Variants in PKIB observed in about 807,000 individuals in gnomAD.
PKIB encodes cAMP-dependent protein kinase inhibitor beta.
PKIB carries 2 observed loss-of-function variants against 4.5 expected under a neutral mutation model. That is an observed-to-expected ratio of 0.44 (90% CI 0.18 to 1.39). The LOEUF (loss-of-function observed/expected upper bound fraction) is 1.39. Ranked by LOEUF, PKIB falls within the 40% of genes most tolerant of loss-of-function variation. The pLI, the probability that PKIB is intolerant of heterozygous loss-of-function variation, is 0.27. For missense variants in PKIB, 94 were observed against 92.6 expected, an observed-to-expected ratio of 1.02 and a Z score of -0.06; for synonymous variants, 38 against 36.0, an observed-to-expected ratio of 1.06 and a Z score of -0.20.
At chr6:122,630,019 A>G (rs1005092761) in intron 1 of PKIB, among the ~76,000 whole-genome samples, 2 of 152,198 alleles carry the variant, frequency 1.3e-5, no homozygotes, top group African/African-American at 4.8e-5. Context: ...AATGTACCAT[A>G]CTAATGTAAG....
intron 2 of PKIB, among the ~76,000 whole-genome samples, chr6:122,659,926 T>G (rs559626095): frequency 1.3e-5 from 2 of 152,084 alleles, no homozygotes; most frequent in Admixed American, 1.3e-4. Context: ...AGAATGACAG[T>G]GCACAATAGA....
rs749565777 is a variant in PKIB at position 122,725,109 on chromosome 6, A to G, written c.170-19A>G. ...AAATTTCAATATATTCCACATATGAATGGAAATTTTTTTTTCAGATGCAAA... is the reference window on the plus strand; with the variant it reads ...AAATTTCAATATATTCCACATATGAGTGGAAATTTTTTTTTCAGATGCAAA... On this transcript the variant is annotated intron_variant, in intron 4 of 4. Transcript: ENST00000368452. The G allele has an allele frequency of 6.4e-7, 1 of 1,574,002 alleles. No homozygotes were observed. Among genetic ancestry groups the G allele is most frequent in the South Asian group, 1.1e-5 (1 of 88,506 alleles).
intron 2 of PKIB, among the ~76,000 whole-genome samples, chr6:122,659,985 G>T (rs186402082): frequency 6.6e-6 from 1 of 152,174 alleles, no homozygotes; most frequent in South Asian, 2.1e-4. Flanking sequence ...ATCCAGTGCA[G>T]CATGATATTA....
At chr6:122,588,089 G>T (rs1464776232) in intron 3 of PKIB, among the ~76,000 whole-genome samples, 1 of 152,116 alleles carries the variant, frequency 6.6e-6, no homozygotes, top group Non-Finnish European at 1.5e-5. Context: ...TAGACATGAA[G>T]TCCTTGCCCA....
chr6:122,593,636 A>C (rs561144160), intron 3 of PKIB, among the ~76,000 whole-genome samples: 32 of 152,348 alleles, frequency 2.1e-4, no homozygotes, highest in Non-Finnish European at 4.0e-4. Flanking sequence ...AAGGCAATAT[A>C]GATGGTATTT....
In PKIB at chr6:122,655,174, A is replaced by G. The variant is rs115751689; in HGVS notation, c.-75-19904A>G. Among the ~76,000 whole-genome samples the G allele has an allele frequency of 4.5e-3, 691 of 152,308 alleles. 10 individuals carry two copies. Among genetic ancestry groups the G allele is most frequent in the African/African-American group, 0.015 (642 of 41,558 alleles). On this transcript the variant is annotated intron_variant, in intron 2 of 4. Transcript: ENST00000368452. ...ATAAGTACCATATAGTCTGCTTATC[A>G]TTATAAAAATTCATTGTTTCAATAA...
At chr6:122,702,761 C>T (rs530413588) in intron 3 of PKIB, among the ~76,000 whole-genome samples, 4 of 152,086 alleles carry the variant, frequency 2.6e-5, no homozygotes, top group South Asian at 2.1e-4. Flanking sequence ...TGGAATTTTT[C>T]GTAGAGAATT....
rs148112687 is a variant in PKIB, at chr6:122,717,914, C to T, written c.120C>T (p.Asp40=). Reference sequence around the variant, plus strand: ...ACATCCAGAGTTCAGCTGCCACAGACGGAACCTCAGATTTGCCCCTCAAAC... The same window carrying T: ...ACATCCAGAGTTCAGCTGCCACAGATGGAACCTCAGATTTGCCCCTCAAAC... ...LPDIQSSAAT[D]GTSDLPLKLE... Residue 40 remains aspartate, a synonymous_variant, in exon 4 of 5, where the codon GAC becomes GAT. Coordinates refer to ENST00000368452, the MANE Select transcript of PKIB (RefSeq NM_181795.3). 19 of 1,613,948 alleles carry T rather than the reference C, an allele frequency of 1.2e-5. No individual in the cohort carries two copies. Among genetic ancestry groups the T allele is most frequent in the South Asian group, 3.3e-5 (3 of 91,076 alleles).
intron 3 of PKIB, among the ~76,000 whole-genome samples, chr6:122,587,659 C>T (rs576809932): frequency 6.1e-4 from 93 of 152,278 alleles, no homozygotes; most frequent in African/African-American, 2.2e-3. Flanking sequence ...TAAAAGTGTT[C>T]CTATTTCTCC....
intron 2 of PKIB, among the ~76,000 whole-genome samples, chr6:122,488,737 G>T (rs1252871183): frequency 6.6e-6 from 1 of 152,104 alleles, no homozygotes; most frequent in African/African-American, 2.4e-5. Context: ...ACCAACATTG[G>T]AGCACTACGT....
chr6:122,501,567 C>T (rs1776237284), intron 2 of PKIB, among the ~76,000 whole-genome samples: 1 of 152,166 alleles, frequency 6.6e-6, no homozygotes. Context: ...TTACTTTGGC[C>T]CCTTTTAGCG....
chr6:122,524,946 G>T (rs1169258470), intron 2 of PKIB, among the ~76,000 whole-genome samples: 3 of 149,040 alleles, frequency 2.0e-5, no homozygotes, highest in African/African-American at 7.4e-5. Context: ...CCTTTTGTTT[G>T]CCTATTCTTG....
rs140495343 is a variant in PKIB, at chr6:122,684,900, G to T, written c.-9+9756G>T. ...AAAATAAGAAAAATAAACTGGATAA[G>T]GTATGCTTTGGTCAAGGTCAGATAC... On this transcript the variant is annotated intron_variant, in intron 3 of 4. Transcript: ENST00000368452. Among the ~76,000 whole-genome samples the T allele has an allele frequency of 9.4e-4, 143 of 152,184 alleles. 4 individuals are homozygous for T. In the East Asian group the frequency reaches 0.025, roughly 27 times the overall value.
At chr6:122,550,204 T>C (rs1772632983) in intron 2 of PKIB, among the ~76,000 whole-genome samples, 1 of 152,120 alleles carries the variant, frequency 6.6e-6, no homozygotes, top group Non-Finnish European at 1.5e-5. Flanking sequence ...CGTGAGCCAC[T>C]GCACCTGGAC....
At chr6:122,483,905 C>T (rs1436482776) in intron 2 of PKIB, 1 of 152,164 alleles carries the variant, frequency 6.6e-6, no homozygotes. Flanking sequence ...TTTTTCTTCT[C>T]AATTGCCTTC....
chr6:122,478,508 G>A (rs1261414745), intron 2 of PKIB: 1 of 152,122 alleles, frequency 6.6e-6, no homozygotes, highest in Non-Finnish European at 1.5e-5. Context: ...CCATAGTTCA[G>A]TTCTATGGTA....
intron 2 of PKIB, among the ~76,000 whole-genome samples, chr6:122,519,367 C>T (rs530642613): frequency 6.6e-6 from 1 of 152,204 alleles, no homozygotes; most frequent in East Asian, 1.9e-4. Flanking sequence ...ATAATTGTTT[C>T]ATTATATGTT....
intron 3 of PKIB, among the ~76,000 whole-genome samples, chr6:122,691,198 A>G (rs1249368930): frequency 6.6e-6 from 1 of 152,010 alleles, no homozygotes; most frequent in South Asian, 2.1e-4. Context: ...GATATTCTAT[A>G]ACCTTCCTGT....
At chr6:122,653,829 C>T (rs754947992) in intron 2 of PKIB, among the ~76,000 whole-genome samples, 4 of 151,936 alleles carry the variant, frequency 2.6e-5, no homozygotes, top group South Asian at 4.2e-4. Flanking sequence ...GGCATGGTGA[C>T]GCACTGTAGT....
Sources: allele counts gnomAD v4.1 joint callset (sites outside exome capture counted in the v4.1 genomes callset), GRCh38; gene constraint gnomAD v4.1.1; transcripts MANE v1.5; gene names NCBI Gene and HGNC (gene_info 2026-07-23, HGNC 2026-07-21).